The following RBFOX3 variants were observed in gnomAD, a reference collection of about 807,000 sequenced individuals.
RBFOX3 encodes the protein RNA binding fox-1 homolog 3.
A neutral mutation model predicts 48.7 loss-of-function variants in RBFOX3; 17 were observed. The observed-to-expected ratio is 0.35, with a 90% confidence interval of 0.24 to 0.52. RBFOX3 has a LOEUF of 0.52. RBFOX3 is among the 20% of genes least tolerant of loss of function. RBFOX3 has a pLI of 0.94. For synonymous variants in RBFOX3, 212 were observed against 209.5 expected (o/e 1.01, Z -0.10); for missense variants, 382 against 497.5 (o/e 0.77, Z 2.21).
At chr17:79,496,790 TTA>T (rs1317360450) in intron 1 of RBFOX3, among the ~76,000 whole-genome samples, 7 of 152,104 alleles carry the variant, frequency 4.6e-5, no homozygotes, top group African/African-American at 1.7e-4. Context: ...CTCCCATGCG[TTA>T]TCTTAGGTGT....
At chr17:79,401,096 A>G (rs2062743049) in intron 2 of RBFOX3, among the ~76,000 whole-genome samples, 1 of 152,254 alleles carries the variant, frequency 6.6e-6, no homozygotes, top group African/African-American at 2.4e-5. Flanking sequence ...TGCCCTGCAG[A>G]GCAGTCAGCC....
rs2093957011 is a variant in RBFOX3, at chr17:79,610,932, C to A, written c.-426G>T. ...CGTCCTGGGGCCGCACAGGCACCGG[C>A]GAGCCAGCGGCAAGGGGCGCGCGAG... On this transcript the variant is annotated 5_prime_UTR_variant, in exon 1 of 15. Transcript: ENST00000693108. 6.6e-6 allele frequency among the ~76,000 whole-genome samples: 1 copy of A among 151,234 alleles called. No individual in the cohort carries two copies. Among genetic ancestry groups the A allele is most frequent in the African/African-American group, 2.4e-5 (1 of 41,340 alleles).
chr17:79,116,975 C>T (rs1463827186), intron 4 of RBFOX3, among the ~76,000 whole-genome samples: 1 of 152,252 alleles, frequency 6.6e-6, no homozygotes, highest in Non-Finnish European at 1.5e-5. Context: ...GAACCACTGA[C>T]CTAGGGCCTG....
chr17:79,625,807 AAAT>A, the RBFOX3 span, among the ~76,000 whole-genome samples: 1 of 152,160 alleles, frequency 6.6e-6, no homozygotes, highest in African/African-American at 2.4e-5. Context: ...ATAAATAAAT[AAAT>A]GAGTTGGGTA....
intron 1 of RBFOX3, among the ~76,000 whole-genome samples, chr17:79,530,293 G>T (rs2087527620): frequency 6.6e-6 from 1 of 152,168 alleles, no homozygotes; most frequent in Non-Finnish European, 1.5e-5. Context: ...AAGCAGGGAT[G>T]TTGTCATGCT....
chr17:79,410,107 G>C (rs2064085739), intron 2 of RBFOX3, among the ~76,000 whole-genome samples: 1 of 152,240 alleles, frequency 6.6e-6, no homozygotes, highest in Admixed American at 6.5e-5. Flanking sequence ...CCTGGACAGT[G>C]AACAGCTGTT....
Position 79,291,428 on chromosome 17 carries a change from A to G in RBFOX3, c.-74+16296T>C, listed in dbSNP as rs572338450. Among the ~76,000 whole-genome samples, 16 of 152,332 alleles carry G rather than the reference A, an allele frequency of 1.1e-4. 1 individual carries two copies. The highest frequency in any genetic ancestry group is 3.6e-4 in the African/African-American group (15 of 41,582). The stretch of plus-strand genomic sequence containing the variant: ...GTTGGCTGGTCTGCATGGAGCTGAC[A>G]TTAAATACAGTAGGAATCTGCAGCC... On this transcript the variant is annotated intron_variant, in intron 3 of 14. Coordinates refer to ENST00000693108, the MANE Select transcript of RBFOX3 (RefSeq NM_001350451.2).
chr17:79,447,111 C>T (rs1428511810), intron 2 of RBFOX3, among the ~76,000 whole-genome samples: 1 of 152,246 alleles, frequency 6.6e-6, no homozygotes, highest in East Asian at 1.9e-4. Flanking sequence ...GACGTGCAGT[C>T]CCTGCCTTCC....
chr17:79,229,527 C>A (rs1482504174), intron 4 of RBFOX3, among the ~76,000 whole-genome samples: 2 of 143,726 alleles, frequency 1.4e-5, no homozygotes, highest in African/African-American at 5.3e-5. Context: ...CCACTACACT[C>A]CAACCTGGGT....
intron 4 of RBFOX3, among the ~76,000 whole-genome samples, chr17:79,133,460 C>T (rs139435514): frequency 6.6e-6 from 1 of 152,176 alleles, no homozygotes; most frequent in Non-Finnish European, 1.5e-5. Context: ...AAACACCACC[C>T]CATGTGGTGT....
chr17:79,330,948 C>T (rs2080188525), intron 2 of RBFOX3, among the ~76,000 whole-genome samples: 1 of 152,208 alleles, frequency 6.6e-6, no homozygotes, highest in African/African-American at 2.4e-5. Flanking sequence ...GGTCTCGGAT[C>T]CTTGTGTCAT....
At chr17:79,663,134 G>A in the RBFOX3 span, among the ~76,000 whole-genome samples, 1 of 152,162 alleles carries the variant, frequency 6.6e-6, no homozygotes, top group African/African-American at 2.4e-5. Flanking sequence ...TTGGGGAGGA[G>A]ACATGGCTGT....
chr17:79,092,477 G>T, intron 14 of RBFOX3: 2 of 985,992 alleles, frequency 2.0e-6, no homozygotes, highest in South Asian at 9.4e-5. Flanking sequence ...GGGGCCAGCC[G>T]TGCGTGTCGC....
intron 2 of RBFOX3, among the ~76,000 whole-genome samples, chr17:79,396,283 C>G (rs974232333): frequency 6.6e-6 from 1 of 152,188 alleles, no homozygotes; most frequent in African/African-American, 2.4e-5. Flanking sequence ...GAGCTCAGAA[C>G]AGAGAAGCCC....
At chr17:79,216,130 A>G (rs1250617259) in intron 4 of RBFOX3, among the ~76,000 whole-genome samples, 1 of 152,248 alleles carries the variant, frequency 6.6e-6, no homozygotes, top group Non-Finnish European at 1.5e-5. Context: ...GGTCCTGGAC[A>G]TCACAGTTGG....
chr17:79,185,810 T>A (rs1424672374), intron 4 of RBFOX3, among the ~76,000 whole-genome samples: 1 of 152,232 alleles, frequency 6.6e-6, no homozygotes, highest in African/African-American at 2.4e-5. Flanking sequence ...TCAACGCTAC[T>A]GTTTTTCCTT....
intron 1 of RBFOX3, among the ~76,000 whole-genome samples, chr17:79,562,243 G>A (rs2092267845): frequency 6.6e-6 from 1 of 152,190 alleles, no homozygotes; most frequent in Admixed American, 6.5e-5. Context: ...GGGAATGGAA[G>A]TCCTGAGCCC....
chr17:79,280,432 G>A (rs144363730), intron 3 of RBFOX3, among the ~76,000 whole-genome samples: 26 of 152,288 alleles, frequency 1.7e-4, no homozygotes, highest in Non-Finnish European at 3.4e-4. Context: ...ACACACACAC[G>A]CTGGAATGTG....
chr17:79,594,605 T>C (rs1273325364), intron 1 of RBFOX3, among the ~76,000 whole-genome samples: 1 of 152,230 alleles, frequency 6.6e-6, no homozygotes, highest in African/African-American at 2.4e-5. Flanking sequence ...TTCCTGTCCC[T>C]GGGACTGCAG....
Sources: gnomAD v4.1 joint callset for allele counts (sites outside exome capture counted in the v4.1 genomes callset) on GRCh38, gnomAD v4.1.1 for gene constraint, MANE v1.5 for transcripts, NCBI Gene and HGNC (gene_info 2026-07-23, HGNC 2026-07-21) for gene names.